The following PDSS2 variants were observed in gnomAD, a reference collection of about 807,000 sequenced individuals.
PDSS2 encodes the protein decaprenyl diphosphate synthase subunit 2.
PDSS2 carries 31 observed loss-of-function variants against 44.5 expected under a neutral mutation model. That is an observed-to-expected ratio of 0.70 (90% CI 0.52 to 0.94). The LOEUF is 0.94. Among genes scored for constraint, PDSS2 ranks in the 40% least tolerant of loss-of-function variants. PDSS2 has a pLI of 0.00. For synonymous variants in PDSS2, 157 were observed against 180.3 expected (o/e 0.87, Z 1.03); for missense variants, 452 against 482.2 (o/e 0.94, Z 0.59).
chr6:107,318,004 C>T (rs1167780980), intron 2 of PDSS2, among the ~76,000 whole-genome samples: 1 of 152,070 alleles, frequency 6.6e-6, no homozygotes, highest in East Asian at 1.9e-4. Context: ...TAATTTTGTA[C>T]TCATTAATAA....
chr6:107,402,488 G>GTA (rs375697506), intron 1 of PDSS2, among the ~76,000 whole-genome samples: 91 of 7,484 alleles, frequency 0.012, no homozygotes, highest in South Asian at 0.026. Flanking sequence ...ACATATATAC[G>GTA]TATATATGTA....
intron 4 of PDSS2, among the ~76,000 whole-genome samples, chr6:107,232,842 TTTC>T (rs1398675810): frequency 6.6e-6 from 1 of 151,976 alleles, no homozygotes; most frequent in Non-Finnish European, 1.5e-5. Flanking sequence ...AGTTTCTTTC[TTTC>T]TTTTTTTTTT....
At chr6:107,225,433 G>A (rs1168656163) in intron 4 of PDSS2, among the ~76,000 whole-genome samples, 1 of 151,686 alleles carries the variant, frequency 6.6e-6, no homozygotes, top group Non-Finnish European at 1.5e-5. Context: ...TTACAAGTGT[G>A]AGCCACCATG....
chr6:107,321,228 CA>C (rs1261643565), intron 2 of PDSS2, among the ~76,000 whole-genome samples: 2 of 151,968 alleles, frequency 1.3e-5, no homozygotes, highest in African/African-American at 4.8e-5. Context: ...AGCAAAGGAA[CA>C]AATCTAGCAG....
At chr6:107,250,483 C>T (rs1427532837) in intron 3 of PDSS2, among the ~76,000 whole-genome samples, 1 of 152,096 alleles carries the variant, frequency 6.6e-6, no homozygotes, top group African/African-American at 2.4e-5. Context: ...ATGCATTACA[C>T]TATTTCCCTC....
At chr6:107,402,556 A>AAT (rs1562516542) in intron 1 of PDSS2, among the ~76,000 whole-genome samples, 5 of 112,804 alleles carry the variant, frequency 4.4e-5, no homozygotes, top group African/African-American at 1.5e-4. Context: ...TATATATAAA[A>AAT]ATATATATAC....
At chr6:107,377,913 C>T (rs1335943393) in intron 1 of PDSS2, among the ~76,000 whole-genome samples, 1 of 151,862 alleles carries the variant, frequency 6.6e-6, no homozygotes, top group Non-Finnish European at 1.5e-5. Flanking sequence ...GGAGGGATAG[C>T]ATTAGGAGAT....
intron 1 of PDSS2, among the ~76,000 whole-genome samples, chr6:107,375,306 A>T (rs1440328141): frequency 2.0e-5 from 3 of 152,148 alleles, no homozygotes; most frequent in Non-Finnish European, 4.4e-5. Flanking sequence ...TTTTGAAAAG[A>T]TATATAAACC....
At chr6:107,246,439 T>C (rs531315062) in intron 3 of PDSS2, among the ~76,000 whole-genome samples, 1 of 152,340 alleles carries the variant, frequency 6.6e-6, no homozygotes, top group South Asian at 2.1e-4. Flanking sequence ...ATCCGCTTCT[T>C]ACAAGTCTTA....
intron 2 of PDSS2, among the ~76,000 whole-genome samples, chr6:107,309,613 G>T (rs1408097844): frequency 1.3e-5 from 2 of 152,194 alleles, no homozygotes; most frequent in African/African-American, 2.4e-5. Flanking sequence ...TGCCCACAAT[G>T]CAGGAACGGA....
chr6:107,221,342 GAAAAAAAA>G (rs59605783), intron 4 of PDSS2, among the ~76,000 whole-genome samples: 51 of 70,258 alleles, frequency 7.3e-4, no homozygotes, highest in African/African-American at 2.7e-3. Context: ...ACTCCGTCTC[GAAAAAAAA>G]AAAAAAAAAA....
intron 1 of PDSS2, among the ~76,000 whole-genome samples, chr6:107,420,394 AG>A (rs1476097225): frequency 6.6e-6 from 1 of 152,236 alleles, no homozygotes; most frequent in African/African-American, 2.4e-5. Flanking sequence ...TTGAAAAAGA[AG>A]AAAAGTAGGA....
At chr6:107,433,681 G>A (rs1781262450) in intron 1 of PDSS2, among the ~76,000 whole-genome samples, 1 of 152,100 alleles carries the variant, frequency 6.6e-6, no homozygotes, top group Non-Finnish European at 1.5e-5. Context: ...AGAAAATATT[G>A]GGCATACTCT....
At position 107,154,019 on chromosome 6, in the gene PDSS2, G is replaced by C. The variant is rs776791631; in HGVS notation, c.*600C>G. The C allele has an allele frequency of 1.3e-5, 2 of 153,058 alleles. No homozygotes were observed. Among genetic ancestry groups the C allele is most frequent in the African/African-American group, 4.8e-5 (2 of 41,418 alleles). 9.5% of individuals were successfully genotyped at this position (153,058 alleles called of 1,614,324 possible). Reference sequence around the variant, plus strand: ...GAACCCAGGAGGCGGAGGTTGCAGTGAGTCAAAACTGCACCATTGCACTCC... The same window carrying C: ...GAACCCAGGAGGCGGAGGTTGCAGTCAGTCAAAACTGCACCATTGCACTCC... On this transcript the variant is annotated 3_prime_UTR_variant, in exon 8 of 8. Coordinates refer to ENST00000369037, the MANE Select transcript of PDSS2 (RefSeq NM_020381.4).
At chr6:107,159,754 A>T (rs1582711819) in intron 7 of PDSS2, among the ~76,000 whole-genome samples, 1 of 151,978 alleles carries the variant, frequency 6.6e-6, no homozygotes, top group South Asian at 2.1e-4. Context: ...CTCCAAATTG[A>T]TATTAGGCAG....
chr6:107,321,650 C>A (rs1252275113), intron 2 of PDSS2, among the ~76,000 whole-genome samples: 1 of 152,148 alleles, frequency 6.6e-6, no homozygotes, highest in Non-Finnish European at 1.5e-5. Context: ...CCTTTGAAAC[C>A]AGCTCTACTT....
intron 1 of PDSS2, among the ~76,000 whole-genome samples, chr6:107,419,164 C>G (rs1780751701): frequency 6.6e-6 from 1 of 152,026 alleles, no homozygotes; most frequent in Non-Finnish European, 1.5e-5. Context: ...GCGTTGAGAA[C>G]CACTGCTCTA....
At chr6:107,246,218 C>CTT (rs67688211) in intron 3 of PDSS2, among the ~76,000 whole-genome samples, 198 of 147,154 alleles carry the variant, frequency 1.3e-3, no homozygotes, top group African/African-American at 1.9e-3. Context: ...AAGGCTGAGA[C>CTT]TTTTTTTTTT....
At chr6:107,330,718 A>G (rs1243146433) in intron 2 of PDSS2, among the ~76,000 whole-genome samples, 3 of 152,226 alleles carry the variant, frequency 2.0e-5, no homozygotes, top group African/African-American at 7.2e-5. Context: ...CTGTAAATTT[A>G]GTAATACTTG....
Sources: gnomAD v4.1 joint callset for allele counts (sites outside exome capture counted in the v4.1 genomes callset) on GRCh38, gnomAD v4.1.1 for gene constraint, MANE v1.5 for transcripts, NCBI Gene and HGNC (gene_info 2026-07-23, HGNC 2026-07-21) for gene names.